IST1: variants seen among roughly 807,000 people sequenced by gnomAD.
The protein encoded by IST1 is IST1 factor associated with ESCRT-III.
In IST1, 23 loss-of-function variants were observed where a neutral mutation model predicts 37.0. The ratio of observed to expected loss-of-function variants is 0.62; its 90% CI spans 0.45 to 0.88. The LOEUF (loss-of-function observed/expected upper bound fraction) is 0.88. Among genes scored for constraint, IST1 ranks in the 40% least tolerant of loss-of-function variants. The pLI, the probability that IST1 is intolerant of heterozygous loss-of-function variation, is 0.00. For synonymous variants in IST1, 180 were observed against 161.7 expected, an observed-to-expected ratio of 1.11 and a Z score of -0.86; for missense variants, 488 against 445.4, an observed-to-expected ratio of 1.10 and a Z score of -0.86.
At chr16:71,894,853 A>G, upstream of IST1, 1 of 1,533,584 alleles carries the variant, frequency 6.5e-7, no homozygotes, top group Non-Finnish European at 8.7e-7. Flanking sequence ...CAAGTTAAAA[A>G]CAAAGGTAAC....
intron 1 of IST1, among the ~76,000 whole-genome samples, chr16:71,902,360 C>A (rs1485053976): frequency 6.6e-6 from 1 of 151,164 alleles, no homozygotes; most frequent in Non-Finnish European, 1.5e-5. Context: ...ACCTCCACCT[C>A]CTGGGTTCAA....
At chr16:71,919,708 T>C (rs1185211411) in intron 4 of IST1, among the ~76,000 whole-genome samples, 1 of 152,194 alleles carries the variant, frequency 6.6e-6, no homozygotes, top group African/African-American at 2.4e-5. Flanking sequence ...ATCCTTTAAA[T>C]CTCAGCAAAG....
rs186320289 is a variant in IST1, at chr16:71,928,963, A to G, written c.*1150A>G. 5.1e-3 allele frequency: 766 copies of G among 151,636 alleles called. 3 individuals are homozygous for G. The highest frequency in any genetic ancestry group is 7.4e-3 in the Non-Finnish European group (504 of 68,288). 9.4% of individuals were successfully genotyped at this position (151,636 alleles called of 1,614,324 possible). On this transcript the variant is annotated 3_prime_UTR_variant, in exon 10 of 10. Coordinates refer to ENST00000378799, the MANE Select transcript of IST1 (RefSeq NM_001270975.2). ...TCTTTAATGTTTTCAGTTGGTTTGTATTCTGTAGCTCAGTAGCTGCTAATA... is the reference window on the plus strand; with the variant it reads ...TCTTTAATGTTTTCAGTTGGTTTGTGTTCTGTAGCTCAGTAGCTGCTAATA...
chr16:71,901,104 A>G (rs993519002), intron 1 of IST1, among the ~76,000 whole-genome samples: 1 of 152,210 alleles, frequency 6.6e-6, no homozygotes, highest in East Asian at 1.9e-4. Context: ...CTTTTAGGTT[A>G]TTATTTCCAA....
chr16:71,915,538 T>A lies in IST1; in HGVS notation c.-15-88T>A, dbSNP rs77443052. On this transcript the variant is annotated intron_variant, in intron 1 of 9. Coordinates refer to ENST00000378799, the MANE Select transcript of IST1 (RefSeq NM_001270975.2). The stretch of plus-strand genomic sequence containing the variant: ...TCCTGTATTAGAAAAACACTCTGTT[T>A]TTGTTTCACATAATTCACCCCTAAG... The A allele has an allele frequency of 1.9e-3, 1,513 of 777,702 alleles. 20 individuals carry two copies. In the African/African-American group the frequency reaches 0.02, roughly 10 times the overall value. 48.2% of individuals were successfully genotyped at this position (777,702 alleles called of 1,614,324 possible).
Position 71,930,063 on chromosome 16 carries a change from T to G in IST1, c.*2250T>G, listed in dbSNP as rs1243095981. On this transcript the variant is annotated 3_prime_UTR_variant, in exon 10 of 10. Transcript: ENST00000378799. ...TTTTAGTTACCTACCTTAAGCGACT[T>G]TCTTTCTTTTCCAAAGGCCATGAGA... 2 of 1,548,936 alleles carry G rather than the reference T, an allele frequency of 1.3e-6. No individual in the cohort carries two copies. Among genetic ancestry groups the G allele is most frequent in the Non-Finnish European group, 1.7e-6 (2 of 1,146,040 alleles).
intron 1 of IST1, chr16:71,903,589 G>T (rs1276981430): frequency 6.6e-6 from 1 of 152,108 alleles, no homozygotes; most frequent in African/African-American, 2.4e-5. Context: ...AAATTTAATA[G>T]AGACGAGGTC....
Position 71,923,345 on chromosome 16 carries a change from C to T in IST1, c.817C>T (p.Pro273Ser), listed in dbSNP as rs1223979897. 4 of 1,611,722 alleles carry T rather than the reference C, an allele frequency of 2.5e-6. No individual in the cohort carries two copies. In the South Asian group the frequency reaches 3.3e-5, roughly 13 times the overall value. The change falls in exon 8 of 10, where the codon CCT becomes TCT. Residue 273 changes from proline to serine, a missense_variant. Coordinates refer to ENST00000378799, the MANE Select transcript of IST1 (RefSeq NM_001270975.2). ...TCAGGCCTTTCCCAATATTCATCCA[C>T]CTCAGATACCAGCAACTCCCCCATC... ...TYQAFPNIHP[P>S]QIPATPPSYE...
At chr16:71,914,451 C>T (rs1160343939) in intron 1 of IST1, among the ~76,000 whole-genome samples, 2 of 152,164 alleles carry the variant, frequency 1.3e-5, no homozygotes, top group Non-Finnish European at 2.9e-5. Flanking sequence ...TGAGCCGCCG[C>T]ACCCAGCAAG....
intron 1 of IST1, among the ~76,000 whole-genome samples, chr16:71,909,084 A>AT (rs1484010665): frequency 7.9e-6 from 1 of 126,620 alleles, no homozygotes; most frequent in Non-Finnish European, 1.7e-5. Context: ...TTTTTGTCAA[A>AT]TTTTGTTTGT....
Position 71,927,847 on chromosome 16 carries a change from A to G in IST1, c.*34A>G. The G allele has an allele frequency of 6.8e-7, 1 of 1,463,444 alleles. No homozygotes were observed. Among genetic ancestry groups the G allele is most frequent in the Non-Finnish European group, 9.5e-7 (1 of 1,048,802 alleles). The allele number at this position is 1,463,444 out of a possible 1,614,324, so 90.7% of individuals were successfully genotyped here. ...AACCAGGCAACTTTCACGTTTTGGG[A>G]GTTGAGACTGAGCAATTTCTCCTTG... On this transcript the variant is annotated 3_prime_UTR_variant, in exon 10 of 10. Transcript: ENST00000378799.
chr16:71,922,672 A>G lies in IST1; in HGVS notation c.751A>G (p.Lys251Glu), dbSNP rs779022413. Residue 251 changes from lysine to glutamate, a missense_variant, in exon 7 of 10, where the codon AAG becomes GAG. Physicochemically the swap from Lys to Glu is moderately conservative, Grantham distance 56. Around this residue, in one of 2 missense-constraint regions of IST1, gnomAD observed 455 missense variants for 386.2 expected, o/e 1.18. Coordinates refer to ENST00000378799, the MANE Select transcript of IST1 (RefSeq NM_001270975.2). ...ANTPFSYPLP[K>E]GPSDFNGLPM... ...TACGCCTTTCTCATATCCACTGCCA[A>G]AGGGACCAGTAAGTATATATAAGTG... 1.3e-6 allele frequency: 2 copies of G among 1,546,252 alleles called. No individual in the cohort carries two copies. The highest frequency in any genetic ancestry group is 1.8e-6 in the Non-Finnish European group (2 of 1,133,058).
intron 9 of IST1, among the ~76,000 whole-genome samples, chr16:71,927,208 ACTTT>A: frequency 6.6e-6 from 1 of 152,136 alleles, no homozygotes; most frequent in Middle Eastern, 3.2e-3. Flanking sequence ...TCTAGAATTA[ACTTT>A]TTTTTAGCCA....
At chr16:71,905,223 A>G (rs565214751) in intron 1 of IST1, among the ~76,000 whole-genome samples, 76 of 151,540 alleles carry the variant, frequency 5.0e-4, no homozygotes, top group South Asian at 1.5e-3. Context: ...TTTAGTAGAG[A>G]TGGGGTTTTA....
intron 1 of IST1, among the ~76,000 whole-genome samples, chr16:71,908,872 C>T (rs2037287683): frequency 6.6e-6 from 1 of 152,144 alleles, no homozygotes; most frequent in Admixed American, 6.6e-5. Flanking sequence ...TTGTGGTCTT[C>T]TTCATCCATC....
At chr16:71,921,714 G>A (rs555057548) in intron 6 of IST1, 2 of 374,496 alleles carry the variant, frequency 5.3e-6, no homozygotes, top group African/African-American at 4.1e-5. Flanking sequence ...TGAACTTCAG[G>A]AATTGAGAAA....
At chr16:71,918,244 C>G (rs192855224) in intron 4 of IST1, among the ~76,000 whole-genome samples, 1 of 152,268 alleles carries the variant, frequency 6.6e-6, no homozygotes, top group Admixed American at 6.5e-5. Flanking sequence ...AAGACTTACA[C>G]TTAATTCTTC....
intron 1 of IST1, among the ~76,000 whole-genome samples, chr16:71,901,947 G>A (rs2037118232): frequency 6.6e-6 from 1 of 152,136 alleles, no homozygotes; most frequent in Admixed American, 6.6e-5. Context: ...GAGGGAAAAA[G>A]ATATAAAGCA....
chr16:71,913,180 C>T (rs992150999), intron 1 of IST1, among the ~76,000 whole-genome samples: 2 of 152,058 alleles, frequency 1.3e-5, no homozygotes, highest in Non-Finnish European at 2.9e-5. Flanking sequence ...GAGGAACCGC[C>T]ATACTGTCTT....
Sources: gnomAD v4.1 joint callset for allele counts (sites outside exome capture counted in the v4.1 genomes callset) on GRCh38, gnomAD v4.1.1 for gene constraint, gnomAD v4.1.1 regional missense constraint, MANE v1.5 for transcripts, NCBI Gene and HGNC (gene_info 2026-07-23, HGNC 2026-07-21) for gene names.